EPG5: variants seen among roughly 807,000 people sequenced by gnomAD.
EPG5 encodes the protein ectopic P-granules 5 autophagy tethering factor.
A neutral mutation model predicts 302.7 loss-of-function variants in EPG5; 159 were observed. The ratio of observed to expected loss-of-function variants is 0.53; its 90% CI spans 0.46 to 0.60. The LOEUF (loss-of-function observed/expected upper bound fraction) is 0.60, where lower values mean the gene tolerates loss of function less well. Among genes scored for constraint, EPG5 ranks in the 20% least tolerant of loss-of-function variants. EPG5 has a pLI of 0.00. For missense variants in EPG5, 2,896 were observed against 3,092.4 expected (o/e 0.94, Z 1.51); for synonymous variants, 1,158 against 1,136.8 (o/e 1.02, Z -0.37).
At chr18:45,837,791 C>G in the EPG5 span, 2 of 1,523,156 alleles carry the variant, frequency 1.3e-6, no homozygotes, top group Non-Finnish European at 8.7e-7. Context: ...GCGCGTCGAG[C>G]GCCTCGCCCT....
chr18:45,889,920 A>G lies in EPG5; in HGVS notation c.4830T>C (p.Asn1610=). The G allele has an allele frequency of 6.3e-7, 1 of 1,599,338 alleles. No homozygotes were observed. The highest frequency in any genetic ancestry group is 1.1e-5 in the South Asian group (1 of 89,220). The change falls in exon 28 of 44, where the codon AAT becomes AAC. Residue 1610 remains asparagine (N), a synonymous_variant. Coordinates refer to ENST00000282041, the MANE Select transcript of EPG5 (RefSeq NM_020964.3). ...CATGAAGCTGTTGGCTTATGGCTTC[A>G]TTCTTATGCATGCCTTCAAACTAAC... is the stretch of plus-strand genomic sequence containing the variant. ...VTVQFEGMHK[N]EAISQQLHVL... is the part of the protein sequence containing the mutation.
intron 26 of EPG5, among the ~76,000 whole-genome samples, 177 bp from the exon 27 acceptor site, chr18:45,899,743 G>C (rs2049562833): frequency 6.6e-6 from 1 of 152,078 alleles, no homozygotes; most frequent in South Asian, 2.1e-4. Flanking sequence ...CCAGCAGAGA[G>C]GCTAAAGAGA....
At chr18:45,852,715 A>G in intron 43 of EPG5, 66 bp from the exon 44 acceptor site, 1 of 1,366,348 alleles carries the variant, frequency 7.3e-7, no homozygotes. Flanking sequence ...CCAGAGGTAC[A>G]GCACACCCAT....
the EPG5 span, among the ~76,000 whole-genome samples, chr18:45,801,898 G>A: frequency 6.6e-6 from 1 of 152,156 alleles, no homozygotes; most frequent in Non-Finnish European, 1.5e-5. Flanking sequence ...CTCCTGAGAG[G>A]GAGGAGCAGT....
chr18:45,930,862 G>A (rs2145820067), intron 11 of EPG5, 32 bp from the exon 12 acceptor site: 2 of 1,546,652 alleles, frequency 1.3e-6, no homozygotes, highest in East Asian at 4.7e-5. Context: ...ATTAGAGTGG[G>A]GAAAGAATAA....
chr18:45,933,594 C>T (rs1032049542), intron 11 of EPG5, among the ~76,000 whole-genome samples: 1 of 151,800 alleles, frequency 6.6e-6, no homozygotes, highest in African/African-American at 2.4e-5. Context: ...AGGAGAATCA[C>T]TTGAGCCCGG....
Position 45,901,034 on chromosome 18 carries a change from C to A in EPG5, c.4608G>T (p.Leu1536=). The A allele has an allele frequency of 6.2e-7, 1 of 1,614,084 alleles. No individual in the cohort carries two copies. Among genetic ancestry groups the A allele is most frequent in the Non-Finnish European group, 8.5e-7 (1 of 1,179,976 alleles). ...GCAACAGATTCAGGTCTGTGCACAC[C>A]AGCTGGGTGGCGTCCTTCTGACTCA... ...VLLSQKDATQ[L]VCTDLNLLQQ... is the part of the protein sequence containing the mutation. Residue 1536 remains leucine (L), a synonymous_variant, in exon 26 of 44, where the codon CTG becomes CTT. Coordinates refer to ENST00000282041, the MANE Select transcript of EPG5 (RefSeq NM_020964.3).
At chr18:45,892,144 C>A (rs1299380142) in intron 27 of EPG5, among the ~76,000 whole-genome samples, 1 of 152,176 alleles carries the variant, frequency 6.6e-6, no homozygotes, top group Non-Finnish European at 1.5e-5. Context: ...TTTACAACTG[C>A]CATTCCATGT....
chr18:45,801,238 G>A, the EPG5 span, among the ~76,000 whole-genome samples: 2,084 of 152,132 alleles, frequency 0.014, 52 homozygotes, highest in African/African-American at 0.048. Flanking sequence ...GGTTCACTAC[G>A]TTGGCCAGGC....
At chr18:45,809,316 A>G in the EPG5 span, among the ~76,000 whole-genome samples, 1 of 152,216 alleles carries the variant, frequency 6.6e-6, no homozygotes, top group Non-Finnish European at 1.5e-5. Context: ...AGAGGTCATC[A>G]AGGCAGAAAG....
At chr18:45,959,501 CCAGGCGTGGTGG>C (rs1338259540) in intron 1 of EPG5, among the ~76,000 whole-genome samples, 14 of 151,608 alleles carry the variant, frequency 9.2e-5, no homozygotes, top group African/African-American at 3.4e-4. Flanking sequence ...AGAAAACTAG[CCAGGCGTGGTGG>C]CAGGCACCTG....
At chr18:45,830,295 G>A in the EPG5 span, among the ~76,000 whole-genome samples, 5 of 152,326 alleles carry the variant, frequency 3.3e-5, no homozygotes, top group African/African-American at 9.6e-5. Context: ...CTGTCTCCCT[G>A]GAGCTCTCTG....
At chr18:45,955,663 G>A (rs1599651475) in intron 1 of EPG5, among the ~76,000 whole-genome samples, 1 of 152,110 alleles carries the variant, frequency 6.6e-6, no homozygotes, top group East Asian at 1.9e-4. Context: ...TTTGCCAGGG[G>A]TTAAGTTAAA....
At chr18:45,947,243 T>C (rs1336021509) in intron 6 of EPG5, among the ~76,000 whole-genome samples, 2 of 152,028 alleles carry the variant, frequency 1.3e-5, no homozygotes, top group Non-Finnish European at 2.9e-5. Context: ...TGAAACCCCG[T>C]CTCTACTAAA....
intron 4 of EPG5, among the ~76,000 whole-genome samples, chr18:45,950,587 T>C (rs1331872032): frequency 6.6e-6 from 1 of 152,240 alleles, no homozygotes; most frequent in Non-Finnish European, 1.5e-5. Context: ...GTCTCAGGTA[T>C]GTCTTTATCA....
At chr18:45,843,810 C>G (rs1037108271), downstream of EPG5, 2 of 152,176 alleles carry the variant, frequency 1.3e-5, no homozygotes, top group African/African-American at 4.8e-5. Context: ...ACCCAGGAGG[C>G]AGAGGTTGCA....
At chr18:45,883,031 A>G (rs56000202) in intron 30 of EPG5, among the ~76,000 whole-genome samples, 83,871 of 147,396 alleles carry the variant, frequency 0.57, 24,521 homozygotes, top group Non-Finnish European at 0.63. Context: ...AAAAAAAAAA[A>G]GTAGTTCACT....
chr18:45,809,967 A>C, the EPG5 span, among the ~76,000 whole-genome samples: 1 of 152,184 alleles, frequency 6.6e-6, no homozygotes, highest in East Asian at 1.9e-4. Context: ...TTAATAGACT[A>C]CTAGCAAAGT....
chr18:45,855,316 A>T (rs2048492072), intron 43 of EPG5: 1 of 372,256 alleles, frequency 2.7e-6, no homozygotes, highest in South Asian at 5.0e-5. Context: ...TATCAGAACC[A>T]AATTTAATGC....
Sources: allele counts gnomAD v4.1 joint callset (sites outside exome capture counted in the v4.1 genomes callset), GRCh38; gene constraint gnomAD v4.1.1; transcripts MANE v1.5; gene names NCBI Gene and HGNC (gene_info 2026-07-23, HGNC 2026-07-21).